RBFOX1: variants seen among roughly 807,000 people sequenced by gnomAD.
RBFOX1 encodes the protein RNA binding fox-1 homolog 1.
Under a neutral mutation model 57.7 loss-of-function variants are expected in RBFOX1, and 8 were observed. The ratio of observed to expected loss-of-function variants is 0.14; its 90% confidence interval spans 0.08 to 0.25. The LOEUF is 0.25. Ranked by LOEUF, RBFOX1 falls within the 10% of genes least tolerant of loss-of-function variation. The probability of loss-of-function intolerance (pLI) is 1.00; values close to 1 mark genes in which losing one functional copy is unlikely to be tolerated. For missense variants in RBFOX1, 611 were observed against 548.5 expected (o/e 1.11, Z -1.14); for synonymous variants, 326 against 222.4 (o/e 1.47, Z -4.15).
In RBFOX1 at chr16:6,445,523, G is replaced by A. The variant is rs371032986; in HGVS notation, c.-64+128466G>A. The stretch of plus-strand genomic sequence containing the variant: ...GAATGAGACAAGCCAAGGATAAAGT[G>A]GGAACCAGGGAAGCTTATTAACCTT... On this transcript the variant is annotated intron_variant, in intron 2 of 15. Transcript: ENST00000550418. Among the ~76,000 whole-genome samples, 12 of 151,062 alleles carry A rather than the reference G, an allele frequency of 7.9e-5. No homozygotes were observed. In the East Asian group the frequency reaches 2.1e-3, roughly 27 times the overall value.
chr16:6,706,386 T>A (rs1404135458), intron 3 of RBFOX1, among the ~76,000 whole-genome samples: 2 of 152,144 alleles, frequency 1.3e-5, no homozygotes, highest in Non-Finnish European at 2.9e-5. Context: ...AATTAATAGG[T>A]GTCTCTTGGG....
chr16:6,158,084 C>T (rs868045302), intron 1 of RBFOX1, among the ~76,000 whole-genome samples: 2 of 152,156 alleles, frequency 1.3e-5, no homozygotes, highest in South Asian at 2.1e-4. Context: ...CGGGGAGATT[C>T]CCCGAGATAA....
chr16:6,976,212 G>T lies in RBFOX1; in HGVS notation c.-15-75845G>T, dbSNP rs1045780029. On this transcript the variant is annotated intron_variant, in intron 3 of 15. Transcript: ENST00000550418. ...ACAGGAGTTACAAGAGTTCTTATAT[G>T]AGCATTCTAATTATTACATAGGGGA... Among the ~76,000 whole-genome samples the T allele has an allele frequency of 8.5e-5, 13 of 152,094 alleles. 1 individual carries two copies. In the South Asian group the frequency reaches 2.5e-3, roughly 29 times the overall value.
intron 4 of RBFOX1, among the ~76,000 whole-genome samples, chr16:7,461,217 G>C (rs1483195249): frequency 1.3e-5 from 2 of 151,840 alleles, no homozygotes; most frequent in Non-Finnish European, 2.9e-5. Flanking sequence ...CCCCAGGCTG[G>C]AGTGCAGTGG....
In RBFOX1 at chr16:6,237,031, A is replaced by G. The variant is rs763628544; in HGVS notation, c.-126-79964A>G. Among the ~76,000 whole-genome samples the G allele has an allele frequency of 5.6e-4, 85 of 152,274 alleles. 1 individual carries two copies. The highest frequency in any genetic ancestry group is 3.3e-3 in the South Asian group (16 of 4,830). The stretch of plus-strand genomic sequence containing the variant: ...ACCCTAGCATTATAAATGCAAAAGA[A>G]TGTTTAATGCAGATAATTCCTCAGC... On this transcript the variant is annotated intron_variant, in intron 1 of 15. Coordinates refer to ENST00000550418, the MANE Select transcript of RBFOX1 (RefSeq NM_018723.4).
At chr16:7,265,748 C>T (rs757972858) in intron 4 of RBFOX1, among the ~76,000 whole-genome samples, 1 of 152,064 alleles carries the variant, frequency 6.6e-6, no homozygotes, top group Non-Finnish European at 1.5e-5. Context: ...CATGCCTGGC[C>T]AGGTGTCTTT....
intron 4 of RBFOX1, among the ~76,000 whole-genome samples, chr16:7,100,324 T>C (rs2062459185): frequency 6.6e-6 from 1 of 152,180 alleles, no homozygotes; most frequent in Non-Finnish European, 1.5e-5. Flanking sequence ...AAGTCATATT[T>C]GGACATTATG....
chr16:5,481,295 A>C (rs2069532668), intron 2 of RBFOX1, among the ~76,000 whole-genome samples: 1 of 152,182 alleles, frequency 6.6e-6, no homozygotes, highest in African/African-American at 2.4e-5. Flanking sequence ...TTTCTTGTTG[A>C]CACCCATGAC....
At chr16:6,378,827 T>C (rs2091486199) in intron 2 of RBFOX1, among the ~76,000 whole-genome samples, 1 of 152,180 alleles carries the variant, frequency 6.6e-6, no homozygotes, top group South Asian at 2.1e-4. Context: ...GAATGAATCT[T>C]TAGGAGGATT....
At chr16:7,578,245 T>C (rs1188008940) in intron 5 of RBFOX1, among the ~76,000 whole-genome samples, 1 of 152,244 alleles carries the variant, frequency 6.6e-6, no homozygotes, top group African/African-American at 2.4e-5. Context: ...CTCATTATTC[T>C]TTATTTACCA....
chr16:7,651,092 A>C (rs924977457), intron 11 of RBFOX1, among the ~76,000 whole-genome samples: 1 of 152,184 alleles, frequency 6.6e-6, no homozygotes, highest in Non-Finnish European at 1.5e-5. Context: ...AATAACCTTT[A>C]TGGTCTTCTC....
At chr16:6,234,816 GAC>G (rs57296223) in intron 1 of RBFOX1, among the ~76,000 whole-genome samples, 26 of 150,602 alleles carry the variant, frequency 1.7e-4, no homozygotes, top group South Asian at 1.5e-3. Context: ...ACTACACACA[GAC>G]ACACACACAC....
rs1568065722 is a variant in RBFOX1 at position 7,292,416 on chromosome 16, T to TA, written c.28-225730dup. On this transcript the variant is annotated intron_variant, in intron 4 of 15. Transcript: ENST00000550418. ...ATATAATATGTAATGTATTATATTATATATATAAGGTATTATATATAATAT... is the reference window on the plus strand; with the variant it reads ...ATATAATATGTAATGTATTATATTATAATATATAAGGTATTATATATAATAT... Among the ~76,000 whole-genome samples, 5 of 142,048 alleles carry TA rather than the reference T, an allele frequency of 3.5e-5. No individual in the cohort carries two copies. The East Asian group carries it at 9.9e-4, about 28-fold the overall frequency. 93.2% of individuals were successfully genotyped at this position (142,048 alleles called of 152,430 possible).
At chr16:7,596,835 T>C (rs1485131394) in intron 8 of RBFOX1, among the ~76,000 whole-genome samples, 4 of 152,182 alleles carry the variant, frequency 2.6e-5, no homozygotes, top group Non-Finnish European at 5.9e-5. Flanking sequence ...ATTTTGTTAA[T>C]TCTTGCGATG....
intron 1 of RBFOX1, among the ~76,000 whole-genome samples, chr16:6,222,183 T>C (rs2097378634): frequency 6.6e-6 from 1 of 152,174 alleles, no homozygotes; most frequent in Non-Finnish European, 1.5e-5. Context: ...TAGAGAGATA[T>C]TTCTTTTATA....
intron 4 of RBFOX1, among the ~76,000 whole-genome samples, chr16:7,362,042 G>A (rs1402038333): frequency 6.6e-6 from 1 of 151,442 alleles, no homozygotes; most frequent in Admixed American, 6.6e-5. Context: ...ATGTGTTAGT[G>A]TGTGTGTTTT....
chr16:6,390,836 A>G (rs2092564346), intron 2 of RBFOX1, among the ~76,000 whole-genome samples: 1 of 152,124 alleles, frequency 6.6e-6, no homozygotes, highest in Non-Finnish European at 1.5e-5. Flanking sequence ...TTTGGGAACC[A>G]AGAAAGAGCC....
intron 2 of RBFOX1, among the ~76,000 whole-genome samples, chr16:6,532,142 C>T (rs1300888143): frequency 6.6e-6 from 1 of 152,126 alleles, no homozygotes; most frequent in Non-Finnish European, 1.5e-5. Context: ...TTCTTGAGCT[C>T]ACCCTGGCTG....
intron 3 of RBFOX1, among the ~76,000 whole-genome samples, chr16:6,772,610 AGTGTAT>A (rs1280093492): frequency 9.6e-4 from 101 of 104,714 alleles, no homozygotes; most frequent in African/African-American, 3.4e-3. Context: ...TGCATTTGTG[AGTGTAT>A]GTGTATGTGT....
Sources: gnomAD v4.1 joint callset for allele counts (sites outside exome capture counted in the v4.1 genomes callset) on GRCh38, gnomAD v4.1.1 for gene constraint, MANE v1.5 for transcripts, NCBI Gene and HGNC (gene_info 2026-07-23, HGNC 2026-07-21) for gene names.